The following PTK2 variants were observed in gnomAD, a reference collection of about 807,000 sequenced individuals.
The protein encoded by PTK2 is protein tyrosine kinase 2.
Under a neutral mutation model 150.1 loss-of-function variants are expected in PTK2, and 45 were observed. The ratio of observed to expected loss-of-function variants is 0.30; its 90% CI spans 0.24 to 0.38. PTK2 has a LOEUF of 0.38. Ranked by LOEUF, PTK2 falls within the 10% of genes least tolerant of loss-of-function variation. PTK2 has a pLI of 1.00. For synonymous variants in PTK2, 432 were observed against 449.2 expected, an observed-to-expected ratio of 0.96 and a Z score of 0.48; for missense variants, 919 against 1,307.3, an observed-to-expected ratio of 0.70 and a Z score of 4.58.
intron 1 of PTK2, among the ~76,000 whole-genome samples, chr8:140,955,844 T>C (rs938836155): frequency 6.6e-6 from 1 of 152,268 alleles, no homozygotes; most frequent in East Asian, 1.9e-4. Context: ...GTAAAGAAGG[T>C]GGAGGCATAA....
At chr8:140,740,869 A>C (rs2100055260) in intron 20 of PTK2, among the ~76,000 whole-genome samples, 1 of 152,226 alleles carries the variant, frequency 6.6e-6, no homozygotes, top group Admixed American at 6.5e-5. Flanking sequence ...GTAGCTGGGC[A>C]CAGTGGCTCA....
At chr8:140,754,303 A>C (rs2100064437) in intron 16 of PTK2, among the ~76,000 whole-genome samples, 1 of 152,264 alleles carries the variant, frequency 6.6e-6, no homozygotes, top group East Asian at 1.9e-4. Context: ...TTGAGTTTAC[A>C]ACCTTAGAAT....
At chr8:140,731,738 T>C (rs1565259615) in intron 22 of PTK2, among the ~76,000 whole-genome samples, 2 of 151,874 alleles carry the variant, frequency 1.3e-5, no homozygotes, top group Non-Finnish European at 2.9e-5. Context: ...CTACCAAAAA[T>C]ACAAAAAATT....
chr8:140,839,232 C>T (rs750613321), intron 7 of PTK2, among the ~76,000 whole-genome samples: 2 of 152,050 alleles, frequency 1.3e-5, no homozygotes, highest in Non-Finnish European at 2.9e-5. Context: ...ATGAACCCGG[C>T]GCTTGGGCAC....
intron 1 of PTK2, among the ~76,000 whole-genome samples, chr8:140,949,911 G>GA (rs2100178951): frequency 6.6e-6 from 1 of 152,132 alleles, no homozygotes; most frequent in Non-Finnish European, 1.5e-5. Context: ...CTTTTTCCGG[G>GA]CCTGCCCATG....
intron 1 of PTK2, among the ~76,000 whole-genome samples, chr8:140,987,934 A>T (rs2100193944): frequency 6.6e-6 from 1 of 151,190 alleles, no homozygotes; most frequent in Non-Finnish European, 1.5e-5. Context: ...AGTTCCAGCT[A>T]CTCCAGCGAC....
chr8:140,949,684 G>GGGT (rs1231917211), intron 1 of PTK2, among the ~76,000 whole-genome samples: 1 of 152,260 alleles, frequency 6.6e-6, no homozygotes, highest in Admixed American at 6.5e-5. Context: ...GGGGAGCTGA[G>GGGT]GGTGGCTCAG....
intron 1 of PTK2, among the ~76,000 whole-genome samples, chr8:140,933,937 CGAG>C (rs2100172791): frequency 6.7e-6 from 1 of 150,022 alleles, no homozygotes; most frequent in South Asian, 2.1e-4. Flanking sequence ...GTGCCACACA[CGAG>C]GAAGATAAGG....
intron 12 of PTK2, among the ~76,000 whole-genome samples, chr8:140,799,662 T>C (rs900859644): frequency 4.9e-4 from 75 of 152,322 alleles, no homozygotes; most frequent in African/African-American, 1.6e-3. Flanking sequence ...GAGCATCAAG[T>C]GTGCCAGGCA....
intron 27 of PTK2, among the ~76,000 whole-genome samples, chr8:140,677,805 T>C (rs2100014764): frequency 6.6e-6 from 1 of 152,230 alleles, no homozygotes; most frequent in Admixed American, 6.5e-5. Context: ...CATATATCAC[T>C]ATCATATCAT....
chr8:140,961,646 A>G (rs1465759457), intron 1 of PTK2, among the ~76,000 whole-genome samples: 1 of 151,836 alleles, frequency 6.6e-6, no homozygotes, highest in Non-Finnish European at 1.5e-5. Flanking sequence ...TGAGCGACAC[A>G]GCGAGACTCC....
intron 8 of PTK2, among the ~76,000 whole-genome samples, chr8:140,829,101 G>A (rs1054241325): frequency 6.6e-5 from 10 of 152,170 alleles, no homozygotes; most frequent in African/African-American, 1.9e-4. Context: ...AAACTTGAAT[G>A]AACACTGAAA....
chr8:140,667,439 G>A (rs1172250096), intron 30 of PTK2, among the ~76,000 whole-genome samples: 5 of 147,478 alleles, frequency 3.4e-5, no homozygotes, highest in African/African-American at 1.3e-4. Context: ...TGGACCTAGT[G>A]TCCTCTTTCT....
intron 1 of PTK2, among the ~76,000 whole-genome samples, chr8:140,928,805 A>T (rs1394545232): frequency 6.6e-6 from 1 of 152,162 alleles, no homozygotes; most frequent in African/African-American, 2.4e-5. Context: ...AAGCTGCTTT[A>T]TGGGCATAGA....
At chr8:140,808,521 G>A (rs748905307) in intron 10 of PTK2, among the ~76,000 whole-genome samples, 5 of 151,878 alleles carry the variant, frequency 3.3e-5, no homozygotes, top group Non-Finnish European at 7.4e-5. Context: ...AAAATCATAC[G>A]CTTGGCCATA....
intron 4 of PTK2, among the ~76,000 whole-genome samples, chr8:140,875,603 G>T (rs547312283): frequency 6.6e-6 from 1 of 152,126 alleles, no homozygotes; most frequent in Non-Finnish European, 1.5e-5. Context: ...TAATTGGATG[G>T]CTTACATTCT....
intron 2 of PTK2, among the ~76,000 whole-genome samples, chr8:140,919,574 G>GTACAT (rs2100166632): frequency 6.6e-6 from 1 of 152,084 alleles, no homozygotes; most frequent in Non-Finnish European, 1.5e-5. Flanking sequence ...TACAATGGAG[G>GTACAT]TGGCAATATG....
chr8:140,812,160 C>T (rs1390228625), intron 10 of PTK2, among the ~76,000 whole-genome samples: 1 of 152,102 alleles, frequency 6.6e-6, no homozygotes, highest in Non-Finnish European at 1.5e-5. Context: ...ACTAGAAGGG[C>T]CAGGTCACCT....
chr8:141,001,677 C>T (rs922307513), upstream of PTK2, among the ~76,000 whole-genome samples: 1 of 152,154 alleles, frequency 6.6e-6, no homozygotes, highest in Non-Finnish European at 1.5e-5. Context: ...GAAGGGGTCC[C>T]CTCTGGAGAA....
Sources: allele counts gnomAD v4.1 joint callset (sites outside exome capture counted in the v4.1 genomes callset), GRCh38; gene constraint gnomAD v4.1.1; transcripts MANE v1.5; gene names NCBI Gene and HGNC (gene_info 2026-07-23, HGNC 2026-07-21).